The following MAK variants were observed in gnomAD, a reference collection of about 807,000 sequenced individuals.
MAK encodes the protein serine/threonine-protein kinase MAK.
MAK carries 65 observed loss-of-function variants against 82.6 expected under a neutral mutation model. That is an observed-to-expected ratio of 0.79 (90% CI 0.64 to 0.97). The LOEUF is 0.97. Among genes scored for constraint, MAK ranks in the 50% least tolerant of loss-of-function variants. The pLI is 0.00. For synonymous variants in MAK, 250 were observed against 274.2 expected (o/e 0.91, Z 0.87); for missense variants, 703 against 780.2 (o/e 0.90, Z 1.18).
rs34602837 is a variant in MAK at position 10,814,667 on chromosome 6, C to CA, written c.279-945dup. On this transcript the variant is annotated intron_variant, in intron 4 of 14. Coordinates refer to ENST00000354489, the MANE Select transcript of MAK (RefSeq NM_001242957.3). ...TGGTGACAGAGTGAGATCCTGCCTC[C>CA]AAAAAAAAAAGCGGGGGGGAAATAA... Among the ~76,000 whole-genome samples the CA allele has an allele frequency of 1.5e-3, 200 of 133,692 alleles. 2 individuals carry two copies. The highest frequency in any genetic ancestry group is 4.9e-3 in the African/African-American group (178 of 36,510). 87.7% of individuals were successfully genotyped at this position (133,692 alleles called of 152,430 possible). A position where few individuals can be genotyped will look rare whatever the true frequency, so the allele number is the denominator to read the frequency against.
rs1354222180 is a variant in MAK at position 10,770,218 on chromosome 6, C to T, written c.1685G>A (p.Ser562Asn). 4 of 1,613,944 alleles carry T rather than the reference C, an allele frequency of 2.5e-6. No individual in the cohort carries two copies. Among genetic ancestry groups the T allele is most frequent in the South Asian group, 2.2e-5 (2 of 91,086 alleles). The change falls in exon 14 of 15, where the codon AGT (serine) becomes AAT (asparagine). Residue 562 changes from serine to asparagine, a missense_variant. Physicochemically the swap from Ser to Asn is conservative, Grantham distance 46 (BLOSUM62 1). Coordinates refer to ENST00000354489, the MANE Select transcript of MAK (RefSeq NM_001242957.3). The stretch of plus-strand genomic sequence containing the variant: ...TCCTGACTGATTGTAAGTAGCATAA[C>T]TTCCAAGATTTCCTAGTGACATATC... ...KLEDPQGNLG[S>N]YATYNQSGYI...
intron 11 of MAK, among the ~76,000 whole-genome samples, chr6:10,783,580 A>G (rs942834410): frequency 3.9e-5 from 6 of 152,210 alleles, no homozygotes; most frequent in African/African-American, 1.4e-4. Flanking sequence ...GGTTTTGCCC[A>G]CTTGTACCTC....
At position 10,796,193 on chromosome 6, in the gene MAK, T is replaced by C. The variant is rs781065923; in HGVS notation, c.948A>G (p.Leu316=). The change falls in exon 9 of 15, where the codon TTA becomes TTG. Residue 316 remains leucine, a synonymous_variant. Coordinates refer to ENST00000354489, the MANE Select transcript of MAK (RefSeq NM_001242957.3). ...QLQPLESKPS[L]VEVEPKPLPD... is the part of the protein sequence containing the mutation. ...GCAGAGGCTTAGGCTCTACCTCAAC[T>C]AAAGATGGCTTTGATTCTAATGGTT... The C allele has an allele frequency of 6.2e-7, 1 of 1,614,222 alleles. No individual in the cohort carries two copies. The highest frequency in any genetic ancestry group is 1.3e-5 in the African/African-American group (1 of 75,052).
At position 10,835,961 on chromosome 6, in the gene MAK, A is replaced by G. The variant is rs1347120105; in HGVS notation, c.-230+2542T>C. The stretch of plus-strand genomic sequence containing the variant: ...ACCAGCACTATCAGCACAATAGAGC[A>G]TTCAGTCACTGATGACTTTCGACCC... On this transcript the variant is annotated intron_variant, in intron 1 of 14. Coordinates refer to ENST00000354489, the MANE Select transcript of MAK (RefSeq NM_001242957.3). Among the ~76,000 whole-genome samples, 12 of 152,242 alleles carry G rather than the reference A, an allele frequency of 7.9e-5. No individual in the cohort carries two copies. The East Asian group carries it at 2.3e-3, about 29-fold the overall frequency.
Position 10,817,129 on chromosome 6 carries a change from A to AGTGTGTGTGTGTGTGT in MAK, c.278+705_278+720dup, listed in dbSNP as rs60627741. Among the ~76,000 whole-genome samples the AGTGTGTGTGTGTGTGT allele has an allele frequency of 6.0e-5, 9 of 149,952 alleles. No individual in the cohort carries two copies. The South Asian group carries it at 1.5e-3, about 25-fold the overall frequency. ...GTAACATCCTCAGACCTTGAGCGAGAGTGTGTGTGTGTGTGTGTGTGTGTA... is the reference window on the plus strand; with the variant it reads ...GTAACATCCTCAGACCTTGAGCGAGAGTGTGTGTGTGTGTGTGTGTGTGTGTGTGTGTGTGTGTGTA... On this transcript the variant is annotated intron_variant, in intron 4 of 14. Coordinates refer to ENST00000354489, the MANE Select transcript of MAK (RefSeq NM_001242957.3).
At chr6:10,777,449 A>G (rs1773560146) in intron 11 of MAK, among the ~76,000 whole-genome samples, 1 of 152,082 alleles carries the variant, frequency 6.6e-6, no homozygotes, top group Non-Finnish European at 1.5e-5. Flanking sequence ...AGGAAGTGCA[A>G]GGTAGGGGTA....
At chr6:10,779,154 A>C (rs1773730462) in intron 11 of MAK, among the ~76,000 whole-genome samples, 1 of 150,146 alleles carries the variant, frequency 6.7e-6, no homozygotes, top group Non-Finnish European at 1.5e-5. Flanking sequence ...AAAAAAAAAA[A>C]GAAGTGCTAT....
intron 11 of MAK, chr6:10,779,409 G>A (rs1773758213): frequency 1.0e-6 from 1 of 985,172 alleles, no homozygotes; most frequent in South Asian, 4.7e-5. Flanking sequence ...GTTAGTAGTA[G>A]CAGGTCAGTA....
intron 14 of MAK, among the ~76,000 whole-genome samples, chr6:10,764,979 C>A (rs1772271273): frequency 6.6e-6 from 1 of 151,834 alleles, no homozygotes; most frequent in South Asian, 2.1e-4. Context: ...GACTGTAATC[C>A]CAGCTACTCA....
chr6:10,773,525 C>CA (rs1238981696), intron 12 of MAK, among the ~76,000 whole-genome samples: 2 of 152,156 alleles, frequency 1.3e-5, no homozygotes, highest in East Asian at 3.9e-4. Context: ...TGGTAATTGT[C>CA]AAAGTTTTTT....
chr6:10,805,260 T>C (rs1776337083), intron 6 of MAK, among the ~76,000 whole-genome samples: 1 of 152,210 alleles, frequency 6.6e-6, no homozygotes, highest in Non-Finnish European at 1.5e-5. Context: ...TTACATGTAT[T>C]TCAATGTTCA....
At chr6:10,824,873 C>T (rs1778243184) in intron 2 of MAK, among the ~76,000 whole-genome samples, 1 of 152,182 alleles carries the variant, frequency 6.6e-6, no homozygotes, top group African/African-American at 2.4e-5. Flanking sequence ...ATGTCATATT[C>T]CCCAAACCCA....
In MAK at chr6:10,775,388, A is replaced by C. The variant is rs745490858; in HGVS notation, c.1537T>G (p.Leu513Val). Residue 513 changes from leucine (L) to valine (V), a missense_variant, in exon 12 of 15, where the codon TTA (leucine) becomes GTA (valine). Transcript: ENST00000354489. ...EINPHTWSNQ[L>V]FPKSLGPVGA... ...ACGGGTCCCAGTGACTTGGGGAATA[A>C]CTGGTTGCTCCAAGTGTGGGGGTTT... 2 of 1,614,018 alleles carry C rather than the reference A, an allele frequency of 1.2e-6. No individual in the cohort carries two copies. Among genetic ancestry groups the C allele is most frequent in the Admixed American group, 1.7e-5 (1 of 60,014 alleles).
intron 9 of MAK, among the ~76,000 whole-genome samples, chr6:10,794,262 CAT>C (rs1233417574): frequency 6.6e-6 from 1 of 152,146 alleles, no homozygotes; most frequent in African/African-American, 2.4e-5. Context: ...GTTTACAAGT[CAT>C]GTGGGCAATT....
intron 5 of MAK, among the ~76,000 whole-genome samples, chr6:10,810,109 A>G (rs1776803510): frequency 1.4e-5 from 2 of 141,142 alleles, no homozygotes; most frequent in African/African-American, 5.5e-5. Context: ...AAAAAAAAAA[A>G]AAAAAAGAAA....
intron 10 of MAK, among the ~76,000 whole-genome samples, chr6:10,785,916 C>A (rs760705541): frequency 1.3e-5 from 2 of 152,180 alleles, no homozygotes; most frequent in Non-Finnish European, 2.9e-5. Flanking sequence ...AAGTATAAAT[C>A]TAAATATAAA....
chr6:10,781,840 T>A (rs1340276942), intron 11 of MAK, among the ~76,000 whole-genome samples: 1 of 152,100 alleles, frequency 6.6e-6, no homozygotes, highest in Admixed American at 6.6e-5. Context: ...AGACCCAGGT[T>A]TTTTCAGGCC....
intron 8 of MAK, among the ~76,000 whole-genome samples, chr6:10,797,240 G>T (rs1312296385): frequency 6.6e-6 from 1 of 152,130 alleles, no homozygotes; most frequent in Non-Finnish European, 1.5e-5. Context: ...TATGAAAAAT[G>T]ATCACTGTTT....
chr6:10,784,341 CCTTT>C, intron 11 of MAK, 79 bp downstream of exon 11: 1 of 1,489,086 alleles, frequency 6.7e-7, no homozygotes, highest in Non-Finnish European at 9.4e-7. Context: ...TCACTGCTGC[CCTTT>C]CTTTGGAGAT....
Sources: gnomAD v4.1 joint callset for allele counts (sites outside exome capture counted in the v4.1 genomes callset) on GRCh38, gnomAD v4.1.1 for gene constraint, MANE v1.5 for transcripts, NCBI Gene and HGNC (gene_info 2026-07-23, HGNC 2026-07-21) for gene names.